Variants in TMPRSS11E observed in about 807,000 individuals in gnomAD.
The protein encoded by TMPRSS11E is transmembrane protease serine 11E.
TMPRSS11E carries 38 observed loss-of-function variants against 48.1 expected under a neutral mutation model. The observed-to-expected ratio is 0.79, with a 90% confidence interval of 0.61 to 1.04. The LOEUF (loss-of-function observed/expected upper bound fraction) is 1.04, where lower values mean the gene tolerates loss of function less well. Among genes scored for constraint, TMPRSS11E ranks in the 50% least tolerant of loss-of-function variants. TMPRSS11E has a pLI of 0.00. For missense variants in TMPRSS11E, 530 were observed against 510.8 expected (o/e 1.04, Z -0.36); for synonymous variants, 158 against 171.9 (o/e 0.92, Z 0.63).
chr4:68,457,722 C>T (rs1728672625), intron 1 of TMPRSS11E, among the ~76,000 whole-genome samples: 1 of 151,992 alleles, frequency 6.6e-6, no homozygotes, highest in Non-Finnish European at 1.5e-5. Flanking sequence ...GAAAACATGG[C>T]ACATATACAC....
intron 1 of TMPRSS11E, among the ~76,000 whole-genome samples, chr4:68,461,603 A>G (rs1023744728): frequency 6.6e-6 from 1 of 152,162 alleles, no homozygotes; most frequent in African/African-American, 2.4e-5. Context: ...CCTTTTATGG[A>G]TGAGGAAACC....
intron 9 of TMPRSS11E, among the ~76,000 whole-genome samples, chr4:68,487,273 A>T (rs1392159028): frequency 6.8e-6 from 1 of 147,624 alleles, no homozygotes; most frequent in Non-Finnish European, 1.5e-5. Context: ...TTTTTTTGAG[A>T]CCGCGTTTTG....
chr4:68,459,013 T>C (rs1728715300), intron 1 of TMPRSS11E, among the ~76,000 whole-genome samples: 1 of 152,114 alleles, frequency 6.6e-6, no homozygotes. Context: ...GTTTTTCATA[T>C]GGAGAAATTA....
At chr4:68,488,809 G>A (rs1331731013) in intron 9 of TMPRSS11E, among the ~76,000 whole-genome samples, 2 of 152,142 alleles carry the variant, frequency 1.3e-5, no homozygotes, top group African/African-American at 4.8e-5. Flanking sequence ...CAAAGTGCTG[G>A]GATTACAGGC....
chr4:68,482,776 A>G (rs571742775), intron 9 of TMPRSS11E, among the ~76,000 whole-genome samples: 75 of 145,184 alleles, frequency 5.2e-4, no homozygotes, highest in African/African-American at 1.3e-3. Context: ...CATCTTGGGG[A>G]AAAAAAAAAA....
At chr4:68,485,192 G>T (rs1729517909) in intron 9 of TMPRSS11E, among the ~76,000 whole-genome samples, 1 of 152,028 alleles carries the variant, frequency 6.6e-6, no homozygotes, top group South Asian at 2.1e-4. Flanking sequence ...TGTCACCCAG[G>T]CTGGAGTGCA....
chr4:68,462,694 A>G (rs1368663256), intron 2 of TMPRSS11E, among the ~76,000 whole-genome samples: 1 of 152,198 alleles, frequency 6.6e-6, no homozygotes, highest in Admixed American at 6.5e-5. Flanking sequence ...AAGTTACAAA[A>G]ATAGTCATAG....
At chr4:68,496,261 A>G (rs1441189555) in intron 9 of TMPRSS11E, among the ~76,000 whole-genome samples, 2 of 152,062 alleles carry the variant, frequency 1.3e-5, no homozygotes, top group East Asian at 3.8e-4. Context: ...TAAAATCAGT[A>G]ATAGACTCTT....
chr4:68,447,835 TATAAC>T (rs1178440800), intron 1 of TMPRSS11E, among the ~76,000 whole-genome samples: 4 of 152,108 alleles, frequency 2.6e-5, no homozygotes, highest in African/African-American at 9.6e-5. Flanking sequence ...TCAAGAAAGA[TATAAC>T]ATATTTTTAG....
At chr4:68,487,897 T>C (rs1729604178) in intron 9 of TMPRSS11E, among the ~76,000 whole-genome samples, 2 of 134,212 alleles carry the variant, frequency 1.5e-5, no homozygotes, top group Non-Finnish European at 3.0e-5. Flanking sequence ...GCTGAGATCA[T>C]ATCATTGCGC....
intron 1 of TMPRSS11E, among the ~76,000 whole-genome samples, chr4:68,448,227 C>A (rs1466639182): frequency 6.6e-6 from 1 of 151,822 alleles, no homozygotes; most frequent in Non-Finnish European, 1.5e-5. Flanking sequence ...ATTGGCATAT[C>A]ATTTTTTATT....
At chr4:68,450,125 C>T (rs889072642) in intron 1 of TMPRSS11E, among the ~76,000 whole-genome samples, 2 of 151,668 alleles carry the variant, frequency 1.3e-5, no homozygotes, top group Non-Finnish European at 2.9e-5. Flanking sequence ...AGGCTTAGGC[C>T]CAGAGTTGCT....
intron 9 of TMPRSS11E, among the ~76,000 whole-genome samples, chr4:68,489,645 G>A (rs2109718826): frequency 6.6e-6 from 1 of 152,358 alleles, no homozygotes; most frequent in East Asian, 1.9e-4. Context: ...GCCTTCAGGA[G>A]CTCTCCAGCT....
chr4:68,471,233 C>CTTTT (rs1729055785), intron 4 of TMPRSS11E, among the ~76,000 whole-genome samples: 1 of 151,178 alleles, frequency 6.6e-6, no homozygotes, highest in Non-Finnish European at 1.5e-5. Context: ...CTTTTCTTTT[C>CTTTT]TCTTTTCTTT....
chr4:68,477,703 T>C (rs1422645197), intron 8 of TMPRSS11E, 75 bp downstream of exon 8: 1 of 1,535,920 alleles, frequency 6.5e-7, no homozygotes. Flanking sequence ...AATGCCATTA[T>C]GCCAAAATAT....
rs2278920 is a variant in TMPRSS11E, at chr4:68,496,809, G to C, written c.*5G>C. 0.38 allele frequency: 607,709 copies of C among 1,604,344 alleles called. 122,485 individuals are homozygous for C. The highest frequency in any genetic ancestry group is 0.48 in the Middle Eastern group (2,887 of 6,012). On this transcript the variant is annotated 3_prime_UTR_variant, in exon 10 of 10. Transcript: ENST00000305363. Reference sequence around the variant, plus strand: ...ACTTCAAAAACTGGTATCTAAGAGAGAAAAGCCTCATGGAACAGATAACAT... The same window carrying C: ...ACTTCAAAAACTGGTATCTAAGAGACAAAAGCCTCATGGAACAGATAACAT...
chr4:68,452,643 G>A (rs1728529928), intron 1 of TMPRSS11E, among the ~76,000 whole-genome samples: 1 of 151,952 alleles, frequency 6.6e-6, no homozygotes, highest in Non-Finnish European at 1.5e-5. Context: ...GGGATCAGAA[G>A]TGCTTCTTTG....
rs752227023 is a variant in TMPRSS11E, at chr4:68,478,833, CT to C, written c.968-8del. On this transcript the variant is annotated splice_polypyrimidine_tract_variant and intron_variant, in intron 8 of 9. Transcript: ENST00000305363. ...ATATGTATGTCTACAAATACAAAGACTTTTTTTTCTTTTAGGTTACAGTCAA... is the reference window on the plus strand; with the variant it reads ...ATATGTATGTCTACAAATACAAAGACTTTTTTTCTTTTAGGTTACAGTCAA... 2.7e-5 allele frequency: 44 copies of C among 1,609,294 alleles called. No homozygotes were observed. The highest frequency in any genetic ancestry group is 3.2e-5 in the Non-Finnish European group (38 of 1,178,440).
chr4:68,448,999 A>G (rs1362796748), intron 1 of TMPRSS11E, among the ~76,000 whole-genome samples: 3 of 151,810 alleles, frequency 2.0e-5, no homozygotes, highest in African/African-American at 7.2e-5. Context: ...TCTTAAGGTC[A>G]TTGGTTTTAA....
Sources: allele counts gnomAD v4.1 joint callset (sites outside exome capture counted in the v4.1 genomes callset), GRCh38; gene constraint gnomAD v4.1.1; transcripts MANE v1.5; gene names NCBI Gene and HGNC (gene_info 2026-07-23, HGNC 2026-07-21).